The following MTERF4 variants were observed in gnomAD, a reference collection of about 807,000 sequenced individuals.
MTERF4 encodes the protein transcription termination factor 4, mitochondrial.
A neutral mutation model predicts 22.5 loss-of-function variants in MTERF4; 17 were observed. That is an observed-to-expected ratio of 0.75 (90% confidence interval 0.52 to 1.13). The LOEUF is 1.13. MTERF4 is among the 50% of genes most tolerant of loss of function. The pLI is 0.00. For synonymous variants in MTERF4, 165 were observed against 175.3 expected (o/e 0.94, Z 0.47); for missense variants, 420 against 466.8 (o/e 0.90, Z 0.92).
chr2:241,082,036 G>A (rs533975823), intron 4 of MTERF4, among the ~76,000 whole-genome samples: 4 of 152,216 alleles, frequency 2.6e-5, no homozygotes, highest in South Asian at 2.1e-4. Context: ...GCACAGCTTC[G>A]GAGGGCTCCC....
chr2:241,099,105 C>A, intron 2 of MTERF4: 1 of 281,042 alleles, frequency 3.6e-6, no homozygotes, highest in Non-Finnish European at 6.6e-6. Flanking sequence ...TTGAGACAGC[C>A]TTGCTGTCAC....
At chr2:241,087,726 T>C, downstream of MTERF4, 1 of 1,339,256 alleles carries the variant, frequency 7.5e-7, no homozygotes, top group South Asian at 2.1e-5. Context: ...TTATGCATAT[T>C]CACACAGAAC....
At chr2:241,065,258 C>A in the MTERF4 span, 1 of 1,606,388 alleles carries the variant, frequency 6.2e-7, no homozygotes, top group Non-Finnish European at 8.5e-7. Flanking sequence ...TAGCTAACGG[C>A]TGACCAGTCC....
chr2:241,057,402 T>G, the MTERF4 span, among the ~76,000 whole-genome samples: 1 of 143,238 alleles, frequency 7.0e-6, no homozygotes, highest in African/African-American at 2.7e-5. Flanking sequence ...TATATATATA[T>G]ATATATATAT....
downstream of MTERF4, chr2:241,087,808 G>A (rs1445411291): frequency 2.2e-5 from 17 of 757,988 alleles, no homozygotes; most frequent in African/African-American, 5.4e-5. Flanking sequence ...ATAGCGCGTC[G>A]CTCTTTACTT....
rs1414512901 is a variant in MTERF4, at chr2:241,102,249, T to C, written c.21+4A>G. 1.3e-6 allele frequency: 2 copies of C among 1,549,364 alleles called. No individual in the cohort carries two copies. The highest frequency in any genetic ancestry group is 2.4e-5 in the South Asian group (2 of 84,038). On this transcript the variant is annotated splice_donor_region_variant and intron_variant, in intron 1 of 3. Coordinates refer to ENST00000391980, the MANE Select transcript of MTERF4 (RefSeq NM_182501.4). ...AGAAGCCCGCGCGCCCAGCTCGAGC[T>C]TACCTGACGGCCGAACGCAGCCATA...
chr2:241,043,586 T>C, the MTERF4 span, among the ~76,000 whole-genome samples: 1 of 151,168 alleles, frequency 6.6e-6, no homozygotes, highest in Non-Finnish European at 1.5e-5. Flanking sequence ...GAATGAAGAG[T>C]GTTAAAAATG....
chr2:241,069,619 G>A (rs1002874716), downstream of MTERF4, among the ~76,000 whole-genome samples: 1 of 152,178 alleles, frequency 6.6e-6, no homozygotes, highest in Non-Finnish European at 1.5e-5. The surrounding 1 kb of genome is among the most constrained non-coding windows in gnomAD (Gnocchi z 4.9). Context: ...ACGCAGCCAG[G>A]CTCAGGGGAA....
Position 241,073,737 on chromosome 2 carries a change from G to A in MTERF4, n.2425C>T. ...TCACTTCTCCAAAGAGGAGCAGGCG[G>A]AGTCAGGATGGGAGAAGCAGAGGGA... On this transcript the variant is annotated non_coding_transcript_exon_variant, in exon 5 of 5. Transcript: ENST00000464344. The surrounding 1 kb of genome is among the most constrained non-coding windows in gnomAD (Gnocchi z 6.6). The A allele has an allele frequency of 2.5e-6, 1 of 406,764 alleles. No homozygotes were observed. The highest frequency in any genetic ancestry group is 2.0e-5 in the African/African-American group (1 of 50,092). 25.2% of individuals were successfully genotyped at this position (406,764 alleles called of 1,614,324 possible).
In MTERF4 at chr2:241,073,476, C is replaced by T. The variant is rs1239001007; in HGVS notation, n.2686G>A. On this transcript the variant is annotated non_coding_transcript_exon_variant, in exon 5 of 5. Coordinates refer to the MTERF4 transcript ENST00000464344. This position sits in a 1 kb window ranked among gnomAD's most constrained non-coding sequence, Gnocchi z 6.6. Reference sequence around the variant, plus strand: ...GGTGAGGAATCAGGAGGCACAGAGCCTACCTGAGGGGAGGCTGAGCACCAG... The same window carrying T: ...GGTGAGGAATCAGGAGGCACAGAGCTTACCTGAGGGGAGGCTGAGCACCAG... The T allele has an allele frequency of 3.4e-6, 3 of 886,370 alleles. No homozygotes were observed. Among genetic ancestry groups the T allele is most frequent in the Non-Finnish European group, 5.5e-6 (3 of 544,258 alleles). The allele number at this position is 886,370 out of a possible 1,614,324, so 54.9% of individuals were successfully genotyped here. A position where few individuals can be genotyped will look rare whatever the true frequency, so the allele number is the denominator to read the frequency against.
the MTERF4 span, among the ~76,000 whole-genome samples, chr2:241,054,684 A>C: frequency 1.3e-5 from 2 of 152,276 alleles, no homozygotes; most frequent in African/African-American, 4.8e-5. Context: ...CAGTGGGAAT[A>C]AGCAGATTAA....
At chr2:241,052,485 GA>G in the MTERF4 span, 7,736 of 1,565,956 alleles carry the variant, frequency 4.9e-3, 347 homozygotes, top group South Asian at 0.056. Context: ...GGGTCAGGGG[GA>G]TCAAGCAGGG....
At chr2:241,049,991 C>T in the MTERF4 span, 11 of 1,249,062 alleles carry the variant, frequency 8.8e-6, no homozygotes, top group Non-Finnish European at 9.4e-6. Flanking sequence ...GCCCGCGGTC[C>T]GCCGTCCTGC....
chr2:241,079,934 G>A (rs959023182), intron 4 of MTERF4, among the ~76,000 whole-genome samples: 3 of 152,050 alleles, frequency 2.0e-5, no homozygotes, highest in African/African-American at 4.8e-5. Context: ...AATTGTTAAC[G>A]CCACCAAGAT....
intron 4 of MTERF4, among the ~76,000 whole-genome samples, chr2:241,080,010 C>T (rs962671113): frequency 4.2e-4 from 64 of 152,184 alleles, no homozygotes; most frequent in East Asian, 3.9e-4. Context: ...TTTGGCTGGG[C>T]GCAGTGGCTC....
downstream of MTERF4, among the ~76,000 whole-genome samples, chr2:241,070,898 A>T (rs1485517774): frequency 6.6e-6 from 1 of 152,190 alleles, no homozygotes; most frequent in East Asian, 1.9e-4. Flanking sequence ...CCCAGGGAAG[A>T]GAGGGCTCTG....
Position 241,073,384 on chromosome 2 carries a change from G to A in MTERF4, n.2778C>T. The A allele has an allele frequency of 6.5e-7, 1 of 1,543,772 alleles. No individual in the cohort carries two copies. Among genetic ancestry groups the A allele is most frequent in the Non-Finnish European group, 8.8e-7 (1 of 1,139,118 alleles). ...TCGGAAGTGAGTCAGCAGCGCTGGT[G>A]GGGACTTTGGGACTGACTGACTGCT... On this transcript the variant is annotated non_coding_transcript_exon_variant, in exon 5 of 5. Transcript: ENST00000464344. The surrounding 1 kb of genome is among the most constrained non-coding windows in gnomAD (Gnocchi z 6.6).
chr2:241,082,362 C>G, downstream of MTERF4: 2 of 1,612,356 alleles, frequency 1.2e-6, no homozygotes, highest in Non-Finnish European at 1.7e-6. Flanking sequence ...TCTGTCACCA[C>G]GTGTAAGTTG....
downstream of MTERF4, among the ~76,000 whole-genome samples, chr2:241,090,772 C>T (rs77293030): frequency 0.032 from 4,881 of 151,094 alleles, 260 homozygotes; most frequent in African/African-American, 0.11. Flanking sequence ...GAGGCTGAGT[C>T]AGGAAAATCA....
Sources: allele counts gnomAD v4.1 joint callset (sites outside exome capture counted in the v4.1 genomes callset), GRCh38; gene constraint gnomAD v4.1.1; non-coding constraint Gnocchi (gnomAD v3.1); transcripts MANE v1.5; gene names NCBI Gene and HGNC (gene_info 2026-07-23, HGNC 2026-07-21).